The following LIMA1 variants were observed in gnomAD, a reference collection of about 807,000 sequenced individuals.
The protein encoded by LIMA1 is LIM domain and actin-binding protein 1.
LIMA1 carries 52 observed loss-of-function variants against 62.6 expected under a neutral mutation model. The observed-to-expected ratio is 0.83, with a 90% CI of 0.67 to 1.05. The LOEUF (loss-of-function observed/expected upper bound fraction) is 1.05. LIMA1 is among the 50% of genes least tolerant of loss of function. The pLI, the probability that LIMA1 is intolerant of heterozygous loss-of-function variation, is 0.00. For missense variants in LIMA1, 780 were observed against 902.2 expected, an observed-to-expected ratio of 0.86 and a Z score of 1.74; for synonymous variants, 302 against 317.8, an observed-to-expected ratio of 0.95 and a Z score of 0.53.
intron 2 of LIMA1, among the ~76,000 whole-genome samples, chr12:50,245,971 C>T (rs1037412958): frequency 2.0e-5 from 3 of 151,508 alleles, no homozygotes; most frequent in African/African-American, 7.3e-5. Context: ...TGGTGGCTCA[C>T]GCCTGTAATC....
At chr12:50,210,185 G>A (rs1733954407) in intron 4 of LIMA1, among the ~76,000 whole-genome samples, 1 of 152,026 alleles carries the variant, frequency 6.6e-6, no homozygotes. Flanking sequence ...CACTTTGGGA[G>A]GCCGAGGCAG....
chr12:50,266,368 T>C (rs1942138287), intron 1 of LIMA1, among the ~76,000 whole-genome samples: 1 of 152,194 alleles, frequency 6.6e-6, no homozygotes, highest in Non-Finnish European at 1.5e-5. Context: ...AATACAAACA[T>C]GTTTTAGAAA....
chr12:50,249,398 T>C (rs1941896120), intron 1 of LIMA1, among the ~76,000 whole-genome samples: 2 of 152,198 alleles, frequency 1.3e-5, no homozygotes, highest in Admixed American at 1.3e-4. Flanking sequence ...TTGATATAGA[T>C]TTAAGGAGAT....
rs1007827020 is a variant in LIMA1, at chr12:50,270,192, G to A, written c.-24+13228C>T. On this transcript the variant is annotated intron_variant, in intron 1 of 10. Coordinates refer to ENST00000341247, the MANE Select transcript of LIMA1 (RefSeq NM_016357.5). Reference sequence around the variant, plus strand: ...AGAAGTTGCGATGAGCCGAGATCGCGCCATTGTACTCTAGCCTGGGCAACA... The same window carrying A: ...AGAAGTTGCGATGAGCCGAGATCGCACCATTGTACTCTAGCCTGGGCAACA... 1.5e-3 allele frequency among the ~76,000 whole-genome samples: 196 copies of A among 128,948 alleles called. 7 individuals carry two copies. Among genetic ancestry groups the A allele is most frequent in the South Asian group, 1.4e-3 (6 of 4,202 alleles). The allele number at this position is 128,948 out of a possible 152,430, so 84.6% of individuals were successfully genotyped here. A position where few individuals can be genotyped will look rare whatever the true frequency, so the allele number is the denominator to read the frequency against.
intron 2 of LIMA1, among the ~76,000 whole-genome samples, chr12:50,241,091 A>G (rs1941770304): frequency 6.6e-6 from 1 of 152,088 alleles, no homozygotes; most frequent in Admixed American, 6.6e-5. Flanking sequence ...TAATTAATTC[A>G]CCCATATTCC....
At chr12:50,209,434 C>G (rs1264523112) in intron 4 of LIMA1, among the ~76,000 whole-genome samples, 1 of 151,494 alleles carries the variant, frequency 6.6e-6, no homozygotes, top group Non-Finnish European at 1.5e-5. Flanking sequence ...GCTGGGGTGG[C>G]GGTGCGCACC....
intron 1 of LIMA1, among the ~76,000 whole-genome samples, chr12:50,282,562 G>A (rs1942352980): frequency 1.3e-5 from 2 of 152,106 alleles, no homozygotes; most frequent in African/African-American, 2.4e-5. Context: ...CAAGGGTCTC[G>A]CTAAGTTGCC....
At position 50,177,273 on chromosome 12, in the gene LIMA1, T is replaced by C. The variant is rs1940362996; in HGVS notation, c.2071A>G (p.Asn691Asp). 1.9e-6 allele frequency: 3 copies of C among 1,614,066 alleles called. No homozygotes were observed. Among genetic ancestry groups the C allele is most frequent in the Non-Finnish European group, 2.5e-6 (3 of 1,180,050 alleles). ...GGAGATTGTTGTTTGAGGAAGCTGTTATCATCTTCATCGGAGTCTGCACCA... is the reference window on the plus strand; with the variant it reads ...GGAGATTGTTGTTTGAGGAAGCTGTCATCATCTTCATCGGAGTCTGCACCA... ...ENGADSDEDD[N>D]SFLKQQSPQE... Residue 691 changes from asparagine (N) to aspartate (D), a missense_variant, in exon 11 of 11, where the codon AAC becomes GAC. Asn to Asp is a conservative substitution (Grantham distance 23, BLOSUM62 1). Coordinates refer to ENST00000341247, the MANE Select transcript of LIMA1 (RefSeq NM_016357.5).
At chr12:50,246,940 T>C (rs1172684374) in intron 2 of LIMA1, among the ~76,000 whole-genome samples, 2 of 152,178 alleles carry the variant, frequency 1.3e-5, no homozygotes, top group African/African-American at 4.8e-5. Flanking sequence ...TCCTGGACTC[T>C]ATCCACACAT....
chr12:50,204,404 A>T, intron 6 of LIMA1, 148 bp downstream of exon 6: 1 of 879,014 alleles, frequency 1.1e-6, no homozygotes, highest in African/African-American at 1.7e-5. Flanking sequence ...CTGCAAATCC[A>T]GCGAGGGTAG....
At chr12:50,265,436 C>T (rs1469992158) in intron 1 of LIMA1, among the ~76,000 whole-genome samples, 1 of 151,860 alleles carries the variant, frequency 6.6e-6, no homozygotes, top group East Asian at 1.9e-4. Flanking sequence ...AGGAGAATTG[C>T]TTGAACCAGG....
chr12:50,244,895 T>G (rs1470667751), intron 2 of LIMA1, among the ~76,000 whole-genome samples: 1 of 151,986 alleles, frequency 6.6e-6, no homozygotes. Context: ...AGGAAGAAAG[T>G]GAGGCCAGGA....
chr12:50,230,697 C>T (rs1444435211), intron 3 of LIMA1, among the ~76,000 whole-genome samples: 1 of 152,116 alleles, frequency 6.6e-6, no homozygotes, highest in East Asian at 1.9e-4. Flanking sequence ...CTGCCTCAGC[C>T]TCCCGAGTAG....
intron 6 of LIMA1, among the ~76,000 whole-genome samples, chr12:50,202,636 C>T (rs868832522): frequency 2.0e-5 from 3 of 152,166 alleles, no homozygotes; most frequent in South Asian, 4.1e-4. Context: ...CACATCATCT[C>T]TTCTTAAAAC....
chr12:50,260,153 T>C (rs1011813473), intron 1 of LIMA1, among the ~76,000 whole-genome samples: 8 of 151,470 alleles, frequency 5.3e-5, no homozygotes, highest in Admixed American at 1.3e-4. Flanking sequence ...GTTTCTTTTT[T>C]TTTTTTTTTT....
chr12:50,192,824 T>C (rs1940807934), intron 8 of LIMA1, among the ~76,000 whole-genome samples: 1 of 152,222 alleles, frequency 6.6e-6, no homozygotes, highest in Non-Finnish European at 1.5e-5. Context: ...CCACTCTGTA[T>C]AAAGAACTTT....
At chr12:50,197,808 TTTC>T (rs938070211) in intron 7 of LIMA1, among the ~76,000 whole-genome samples, 17 of 86,316 alleles carry the variant, frequency 2.0e-4, no homozygotes, top group African/African-American at 1.2e-3. Flanking sequence ...AATTTCTTTC[TTTC>T]TTTTTTTTTT....
intron 1 of LIMA1, among the ~76,000 whole-genome samples, chr12:50,280,592 A>G (rs1942329700): frequency 6.6e-6 from 1 of 152,234 alleles, no homozygotes; most frequent in South Asian, 2.1e-4. Context: ...ATCATCTGAC[A>G]TGCTGAATAA....
intron 7 of LIMA1, among the ~76,000 whole-genome samples, chr12:50,199,482 A>T (rs888835807): frequency 4.0e-4 from 61 of 152,136 alleles, no homozygotes; most frequent in African/African-American, 1.5e-3. Context: ...CTCAGCTCAG[A>T]CATCACCTTC....
Sources: allele counts gnomAD v4.1 joint callset (sites outside exome capture counted in the v4.1 genomes callset), GRCh38; gene constraint gnomAD v4.1.1; transcripts MANE v1.5; gene names NCBI Gene and HGNC (gene_info 2026-07-23, HGNC 2026-07-21).